The following KCND3 variants were observed in gnomAD, a reference collection of about 807,000 sequenced individuals.
KCND3 encodes potassium voltage-gated channel subfamily D member 3, also known as A-type voltage-gated potassium channel KCND3.
KCND3 carries 9 observed loss-of-function variants against 51.1 expected under a neutral mutation model. The observed-to-expected ratio is 0.18, with a 90% CI of 0.11 to 0.31. The LOEUF is 0.31. Among genes scored for constraint, KCND3 ranks in the 10% least tolerant of loss-of-function variants. The pLI, the probability that KCND3 is intolerant of heterozygous loss-of-function variation, is 1.00. For missense variants in KCND3, 526 were observed against 903.8 expected (o/e 0.58, Z 5.36); for synonymous variants, 349 against 368.0 (o/e 0.95, Z 0.59).
intron 2 of KCND3, among the ~76,000 whole-genome samples, chr1:111,794,458 C>T (rs534918119): frequency 6.6e-6 from 1 of 152,354 alleles, no homozygotes. Flanking sequence ...CAGGGAGACA[C>T]ATCCTCAATG....
At chr1:111,832,919 A>C (rs1666905636) in intron 2 of KCND3, among the ~76,000 whole-genome samples, 1 of 152,320 alleles carries the variant, frequency 6.6e-6, no homozygotes, top group African/African-American at 2.4e-5. Flanking sequence ...ACCACCAGCA[A>C]ACAGACATCA....
chr1:111,876,995 T>A (rs954413921), intron 2 of KCND3, among the ~76,000 whole-genome samples: 10 of 152,342 alleles, frequency 6.6e-5, no homozygotes, highest in African/African-American at 2.2e-4. Flanking sequence ...CAGAGCCCCA[T>A]CATTGACTCA....
intron 2 of KCND3, among the ~76,000 whole-genome samples, chr1:111,968,869 G>T (rs1674167681): frequency 6.6e-6 from 1 of 152,232 alleles, no homozygotes; most frequent in South Asian, 2.1e-4. Context: ...GAGTGGGTAG[G>T]GACGTCACCA....
At position 111,772,454 on chromosome 1, in the gene KCND3, A is replaced by C. The variant is rs1228312570; in HGVS notation, c.*3623T>G. On this transcript the variant is annotated 3_prime_UTR_variant, in exon 8 of 8. Transcript: ENST00000302127. ...CATATACGTATTGACATATAAGACT[A>C]TGTCTCCAATTACAGTATGGATTCT... 6.6e-6 allele frequency: 1 copy of C among 152,226 alleles called. No individual in the cohort carries two copies. The highest frequency in any genetic ancestry group is 2.4e-5 in the African/African-American group (1 of 41,458). 9.4% of individuals were successfully genotyped at this position (152,226 alleles called of 1,614,324 possible).
intron 2 of KCND3, among the ~76,000 whole-genome samples, chr1:111,958,123 C>G (rs1673431126): frequency 6.6e-6 from 1 of 152,182 alleles, no homozygotes; most frequent in African/African-American, 2.4e-5. Flanking sequence ...AGCCTGGAGA[C>G]AGGCTGTCCC....
At chr1:111,905,671 G>T (rs17029031) in intron 2 of KCND3, among the ~76,000 whole-genome samples, 1 of 152,208 alleles carries the variant, frequency 6.6e-6, no homozygotes, top group Non-Finnish European at 1.5e-5. Context: ...TCTGGGAGTC[G>T]CGTATAAAAC....
chr1:111,905,553 G>A (rs1275868164), intron 2 of KCND3, among the ~76,000 whole-genome samples: 1 of 152,144 alleles, frequency 6.6e-6, no homozygotes, highest in Non-Finnish European at 1.5e-5. Context: ...CTCCCTGGGG[G>A]ACAATCTTAA....
At chr1:111,979,839 G>C (rs1571936541) in intron 2 of KCND3, among the ~76,000 whole-genome samples, 1 of 152,170 alleles carries the variant, frequency 6.6e-6, no homozygotes, top group East Asian at 1.9e-4. Context: ...AAAGTAATGA[G>C]TAGGTGGCTA....
Position 111,982,558 on chromosome 1 carries a change from T to C in KCND3, c.169A>G (p.Thr57Ala). The C allele has an allele frequency of 6.2e-7, 1 of 1,611,138 alleles. No individual in the cohort carries two copies. The highest frequency in any genetic ancestry group is 8.5e-7 in the Non-Finnish European group (1 of 1,177,672). Reference protein sequence around the residue: ...SGRRFQTWRTTLERYPDTLLG... With the variant: ...SGRRFQTWRTALERYPDTLLG... ...AGGGTGTCCGGGTAGCGCTCCAGCGTGGTCCTCCAGGTCTGGAACCTCCGC... is the reference window on the plus strand; with the variant it reads ...AGGGTGTCCGGGTAGCGCTCCAGCGCGGTCCTCCAGGTCTGGAACCTCCGC... Residue 57 changes from threonine to alanine, a missense_variant, in exon 2 of 8, where the codon ACG (threonine) becomes GCG (alanine). Coordinates refer to ENST00000302127, the MANE Select transcript of KCND3 (RefSeq NM_001378969.1). The surrounding 1 kb of genome is among the most constrained non-coding windows in gnomAD (Gnocchi z 8.5).
Position 111,953,615 on chromosome 1 carries a change from G to A in KCND3, c.1106+28006C>T, listed in dbSNP as rs948912. Among the ~76,000 whole-genome samples, 12 of 152,360 alleles carry A rather than the reference G, an allele frequency of 7.9e-5. No homozygotes were observed. The South Asian group carries it at 2.3e-3, about 29-fold the overall frequency. On this transcript the variant is annotated intron_variant, in intron 2 of 7. Coordinates refer to ENST00000302127, the MANE Select transcript of KCND3 (RefSeq NM_001378969.1). ...GAAGGGAGTTGAGTGCTCACTCAGG[G>A]AGAGGGCGTCACATGCATCCAAGGA...
chr1:111,920,882 T>C (rs1671446279), intron 2 of KCND3, among the ~76,000 whole-genome samples: 1 of 152,206 alleles, frequency 6.6e-6, no homozygotes, highest in African/African-American at 2.4e-5. Flanking sequence ...TTACTTTGAC[T>C]CAATCCCTCC....
At chr1:111,807,347 T>TA (rs1334499888) in intron 2 of KCND3, among the ~76,000 whole-genome samples, 2 of 152,244 alleles carry the variant, frequency 1.3e-5, no homozygotes, top group African/African-American at 4.8e-5. Context: ...CACAAATACT[T>TA]ACCATTGTGT....
In KCND3 at chr1:111,981,251, C is replaced by A. The variant is rs1346332622; in HGVS notation, c.1106+370G>T. Among the ~76,000 whole-genome samples the A allele has an allele frequency of 2.6e-5, 4 of 152,166 alleles. No homozygotes were observed. The highest frequency in any genetic ancestry group is 5.9e-5 in the Non-Finnish European group (4 of 68,034). On this transcript the variant is annotated intron_variant, in intron 2 of 7. Transcript: ENST00000302127. This position sits in a 1 kb window ranked among gnomAD's most constrained non-coding sequence, Gnocchi z 6.2. Reference sequence around the variant, plus strand: ...TCTCAACAGTCTCCTCCCTCCCCAACAACTGCCCTGACCTTCTCCCCACGC... The same window carrying A: ...TCTCAACAGTCTCCTCCCTCCCCAAAAACTGCCCTGACCTTCTCCCCACGC...
At chr1:111,984,511 C>A (rs1675153975) in intron 1 of KCND3, among the ~76,000 whole-genome samples, 1 of 152,214 alleles carries the variant, frequency 6.6e-6, no homozygotes, top group African/African-American at 2.4e-5. Context: ...TTCCCACGGG[C>A]CTTCTTGTCT....
rs551409454 is a variant in KCND3, at chr1:111,848,162, C to T, written c.1107-61056G>A. 2.6e-5 allele frequency among the ~76,000 whole-genome samples: 4 copies of T among 152,324 alleles called. No individual in the cohort carries two copies. In the South Asian group the frequency reaches 8.3e-4, roughly 32 times the overall value. ...TCGCTCATGGCCCACTCCTCAGCCA[C>T]GCGATCGCCTGGAAGTCCCTGATAC... On this transcript the variant is annotated intron_variant, in intron 2 of 7. Transcript: ENST00000302127.
chr1:111,807,533 G>A lies in KCND3; in HGVS notation c.1107-20427C>T, dbSNP rs144211653. ...TCTACAAAAAATACAAAAAATAGCT[G>A]TGTGTGGTGGCGGGGGCCTGTAATC... On this transcript the variant is annotated intron_variant, in intron 2 of 7. Transcript: ENST00000302127. 1.6e-3 allele frequency among the ~76,000 whole-genome samples: 236 copies of A among 152,250 alleles called. 1 individual carries two copies. The highest frequency in any genetic ancestry group is 5.4e-3 in the African/African-American group (223 of 41,556).
chr1:111,893,367 G>T (rs1033150943), intron 2 of KCND3, among the ~76,000 whole-genome samples: 4 of 152,146 alleles, frequency 2.6e-5, no homozygotes, highest in Non-Finnish European at 5.9e-5. Context: ...CAGGGTGGGG[G>T]CAGGGAGAAG....
At chr1:111,920,601 C>T (rs1671432008) in intron 2 of KCND3, among the ~76,000 whole-genome samples, 1 of 152,216 alleles carries the variant, frequency 6.6e-6, no homozygotes, top group Non-Finnish European at 1.5e-5. Flanking sequence ...GCAGCTGCAG[C>T]CCCTGTGGGG....
At chr1:111,918,234 G>A (rs960555347) in intron 2 of KCND3, among the ~76,000 whole-genome samples, 4 of 152,170 alleles carry the variant, frequency 2.6e-5, no homozygotes, top group African/African-American at 9.7e-5. Flanking sequence ...AAACACTGAC[G>A]TCAATGCTAG....
Sources: gnomAD v4.1 joint callset for allele counts (sites outside exome capture counted in the v4.1 genomes callset) on GRCh38, gnomAD v4.1.1 for gene constraint, Gnocchi (gnomAD v3.1) non-coding constraint, MANE v1.5 for transcripts, NCBI Gene and HGNC (gene_info 2026-07-23, HGNC 2026-07-21) for gene names.